ACTN2: variants seen among roughly 807,000 people sequenced by gnomAD.
ACTN2 encodes the protein actinin alpha 2.
A neutral mutation model predicts 113.8 loss-of-function variants in ACTN2; 39 were observed. That is an observed-to-expected ratio of 0.34 (90% CI 0.27 to 0.45). The LOEUF (loss-of-function observed/expected upper bound fraction) is 0.45. Ranked by LOEUF, ACTN2 falls within the 20% of genes least tolerant of loss-of-function variation. The probability of loss-of-function intolerance (pLI) is 1.00; values close to 1 mark genes in which losing one functional copy is unlikely to be tolerated. For synonymous variants in ACTN2, 429 were observed against 444.1 expected, an observed-to-expected ratio of 0.97 and a Z score of 0.43; for missense variants, 992 against 1,177.9, an observed-to-expected ratio of 0.84 and a Z score of 2.31.
At chr1:236,736,702 G>A (rs1225206351) in intron 8 of ACTN2, 17 of 1,390,408 alleles carry the variant, frequency 1.2e-5, no homozygotes, top group Non-Finnish European at 1.7e-5. Flanking sequence ...AGTTATTTTT[G>A]CCTTGATTTC....
At chr1:236,727,404 C>T (rs1658583883) in intron 5 of ACTN2, among the ~76,000 whole-genome samples, 1 of 152,134 alleles carries the variant, frequency 6.6e-6, no homozygotes, top group Non-Finnish European at 1.5e-5. Flanking sequence ...GTAGAGACAT[C>T]TCCCTTCCTG....
intron 4 of ACTN2, among the ~76,000 whole-genome samples, chr1:236,725,573 G>A: frequency 6.6e-6 from 1 of 152,142 alleles, no homozygotes; most frequent in South Asian, 2.1e-4. Flanking sequence ...GTTGCAGTGA[G>A]CCAAGATCCC....
chr1:236,687,957 A>T (rs922493224), intron 1 of ACTN2, among the ~76,000 whole-genome samples: 6 of 152,228 alleles, frequency 3.9e-5, no homozygotes, highest in Non-Finnish European at 8.8e-5. Flanking sequence ...ATTTAGCTAC[A>T]TTTCAGTCTC....
chr1:236,729,477 C>T (rs568722202), intron 6 of ACTN2, among the ~76,000 whole-genome samples: 26 of 152,284 alleles, frequency 1.7e-4, no homozygotes, highest in East Asian at 1.9e-4. Context: ...TGTGTTTGGG[C>T]GTGGACTCCA....
At chr1:236,726,186 A>G (rs1049960140) in intron 5 of ACTN2, among the ~76,000 whole-genome samples, 166 bp downstream of exon 5, 3 of 152,234 alleles carry the variant, frequency 2.0e-5, no homozygotes, top group African/African-American at 7.2e-5. Flanking sequence ...TCCCAGAGGA[A>G]AACATTGGAT....
intron 10 of ACTN2, among the ~76,000 whole-genome samples, chr1:236,739,905 A>G (rs1373064907): frequency 6.6e-6 from 1 of 151,694 alleles, no homozygotes; most frequent in Non-Finnish European, 1.5e-5. Context: ...TGAGTCCTCC[A>G]TTTATCTCCC....
intron 1 of ACTN2, among the ~76,000 whole-genome samples, chr1:236,700,021 C>G (rs1039762410): frequency 9.2e-5 from 14 of 152,134 alleles, no homozygotes; most frequent in Non-Finnish European, 1.8e-4. Flanking sequence ...ACAGCTGCCT[C>G]TGGCCACCTA....
intron 1 of ACTN2, 32 bp downstream of exon 1, chr1:236,686,831 G>A (rs779469857): frequency 7.0e-6 from 10 of 1,425,288 alleles, no homozygotes; most frequent in East Asian, 3.0e-5. Context: ...GCCCGCGCGT[G>A]GTGGGGCCGG....
At chr1:236,712,091 T>C (rs1658043799) in intron 1 of ACTN2, among the ~76,000 whole-genome samples, 1 of 152,218 alleles carries the variant, frequency 6.6e-6, no homozygotes, top group South Asian at 2.1e-4. Flanking sequence ...TCAAGAACCC[T>C]AAAGATGCAT....
intron 1 of ACTN2, among the ~76,000 whole-genome samples, chr1:236,687,695 G>A (rs1665925823): frequency 6.6e-6 from 1 of 152,238 alleles, no homozygotes; most frequent in Non-Finnish European, 1.5e-5. Context: ...TGCTTTAGGT[G>A]GATAGCCTGT....
At chr1:236,725,640 A>AG (rs1658526420) in intron 4 of ACTN2, among the ~76,000 whole-genome samples, 1 of 141,230 alleles carries the variant, frequency 7.1e-6, no homozygotes. Context: ...AAAAATTAAA[A>AG]AAAGTATTTT....
At chr1:236,715,583 A>G (rs79386373) in intron 1 of ACTN2, among the ~76,000 whole-genome samples, 1 of 152,082 alleles carries the variant, frequency 6.6e-6, no homozygotes, top group Non-Finnish European at 1.5e-5. Context: ...CTAATTTTTA[A>G]ATTTTATTTT....
At position 236,763,755 on chromosome 1, in the gene ACTN2, CA is replaced by C. The variant is rs1659774295; in HGVS notation, c.*1138del. ...CCTGGGATTGGACAGTGTATCCTAA[CA>C]AGTCCCATGTCTGGTTCTGTGTCTA... On this transcript the variant is annotated 3_prime_UTR_variant, in exon 21 of 21. Transcript: ENST00000366578. 5 of 152,312 alleles carry C rather than the reference CA, an allele frequency of 3.3e-5. No homozygotes were observed. The South Asian group carries it at 1.0e-3, about 32-fold the overall frequency. The allele number at this position is 152,312 out of a possible 1,614,324, so 9.4% of individuals were successfully genotyped here. A position where few individuals can be genotyped will look rare whatever the true frequency, so the allele number is the denominator to read the frequency against.
intron 1 of ACTN2, among the ~76,000 whole-genome samples, chr1:236,696,317 C>A (rs1444319744): frequency 1.2e-4 from 16 of 128,366 alleles, no homozygotes; most frequent in Admixed American, 3.1e-4. Flanking sequence ...GACTCTGTCT[C>A]AAAAAAAAAA....
At chr1:236,730,884 C>T (rs1447674317) in intron 6 of ACTN2, among the ~76,000 whole-genome samples, 1 of 152,142 alleles carries the variant, frequency 6.6e-6, no homozygotes, top group Non-Finnish European at 1.5e-5. Context: ...CCTTCCAAGT[C>T]TGGAAAATGC....
intron 1 of ACTN2, among the ~76,000 whole-genome samples, chr1:236,695,414 G>GAAAAA (rs58669150): frequency 9.7e-6 from 1 of 102,960 alleles, no homozygotes; most frequent in East Asian, 2.7e-4. Context: ...TGCTGTGTCT[G>GAAAAA]AAAAAAAAAA....
chr1:236,729,170 C>T (rs984834365), intron 6 of ACTN2, among the ~76,000 whole-genome samples: 1 of 151,756 alleles, frequency 6.6e-6, no homozygotes, highest in Admixed American at 6.6e-5. Flanking sequence ...TCTAAAAATG[C>T]AAAAATTAGC....
intron 13 of ACTN2, among the ~76,000 whole-genome samples, chr1:236,748,880 C>T (rs562727349): frequency 4.9e-4 from 75 of 152,192 alleles, no homozygotes; most frequent in Non-Finnish European, 8.1e-4. Context: ...TAGTGAAGTA[C>T]TTTAGACACT....
rs1313142426 is a variant in ACTN2, at chr1:236,692,461, G to A, written c.126+5662G>A. Among the ~76,000 whole-genome samples the A allele has an allele frequency of 2.0e-5, 3 of 152,166 alleles. No individual in the cohort carries two copies. In the East Asian group the frequency reaches 5.8e-4, roughly 29 times the overall value. On this transcript the variant is annotated intron_variant, in intron 1 of 20. Coordinates refer to ENST00000366578, the MANE Select transcript of ACTN2 (RefSeq NM_001103.4). ...GGAAAGGAGCCACCGTGCTGAGGTGGCAAATCCGGTGTCCATGTGGCCATT... is the reference window on the plus strand; with the variant it reads ...GGAAAGGAGCCACCGTGCTGAGGTGACAAATCCGGTGTCCATGTGGCCATT...
Sources: gnomAD v4.1 joint callset for allele counts (sites outside exome capture counted in the v4.1 genomes callset) on GRCh38, gnomAD v4.1.1 for gene constraint, MANE v1.5 for transcripts, NCBI Gene and HGNC (gene_info 2026-07-23, HGNC 2026-07-21) for gene names.